Variants in CRABP2 observed in about 807,000 individuals in gnomAD.
CRABP2 encodes the protein cellular retinoic acid-binding protein 2.
Under a neutral mutation model 17.9 loss-of-function variants are expected in CRABP2, and 20 were observed. The observed-to-expected ratio is 1.12, with a 90% CI of 0.79 to 1.63. CRABP2 has a LOEUF of 1.63. CRABP2 is among the 40% of genes most tolerant of loss of function. The pLI is 0.00. For synonymous variants in CRABP2, 76 were observed against 66.4 expected (o/e 1.14, Z -0.70); for missense variants, 151 against 168.6 (o/e 0.90, Z 0.58).
chr1:156,704,035 T>A (rs1223099185), intron 1 of CRABP2, among the ~76,000 whole-genome samples: 1 of 152,114 alleles, frequency 6.6e-6, no homozygotes, highest in Non-Finnish European at 1.5e-5. Flanking sequence ...GGGCCTTGAA[T>A]CTTACTCTTC....
intron 3 of CRABP2, 142 bp from the exon 4 acceptor site, chr1:156,700,218 C>T (rs1192077101): frequency 3.7e-6 from 3 of 801,148 alleles, no homozygotes. Flanking sequence ...AGGAGCTGGT[C>T]CCAGAATGCC....
rs760264292 is a variant in CRABP2, at chr1:156,700,884, C to T, written c.239G>A (p.Arg80Lys). Residue 80 changes from arginine (R) to lysine (K), a missense_variant, in exon 2 of 4, where the codon AGG becomes AAG. Transcript: ENST00000368222. ...EEFEEQTVDG[R>K]PCKSLVKWES... ...CCTTCTGGCACTCACCTTACAGGGCCTCCCATCCACAGTCTGCTCCTCAAA... is the reference window on the plus strand; with the variant it reads ...CCTTCTGGCACTCACCTTACAGGGCTTCCCATCCACAGTCTGCTCCTCAAA... The T allele has an allele frequency of 3.7e-6, 6 of 1,613,808 alleles. No individual in the cohort carries two copies. In the South Asian group the frequency reaches 6.6e-5, roughly 18 times the overall value.
chr1:156,700,916 C>T lies in CRABP2; in HGVS notation c.207G>A (p.Gly69=), dbSNP rs151326489. Residue 69 remains glycine, a synonymous_variant, in exon 2 of 4, where the codon GGG becomes GGA. Coordinates refer to ENST00000368222, the MANE Select transcript of CRABP2 (RefSeq NM_001878.4). ...CCACAGTCTGCTCCTCAAACTCCTCCCCAACCTTGAAGTTAATCTCTGTGG... is the reference window on the plus strand; with the variant it reads ...CCACAGTCTGCTCCTCAAACTCCTCTCCAACCTTGAAGTTAATCTCTGTGG... ...VRTTEINFKV[G]EEFEEQTVDG... 7 of 1,614,150 alleles carry T rather than the reference C, an allele frequency of 4.3e-6. No homozygotes were observed. The African/African-American group carries it at 5.3e-5, about 12-fold the overall frequency.
rs982459467 is a variant in CRABP2 at position 156,705,018 on chromosome 1, C to T, written c.70+359G>A. 2.6e-5 allele frequency among the ~76,000 whole-genome samples: 4 copies of T among 152,182 alleles called. No individual in the cohort carries two copies. The highest frequency in any genetic ancestry group is 9.7e-5 in the African/African-American group (4 of 41,438). On this transcript the variant is annotated intron_variant, in intron 1 of 3. Coordinates refer to ENST00000368222, the MANE Select transcript of CRABP2 (RefSeq NM_001878.4). This position sits in a 1 kb window ranked among gnomAD's most constrained non-coding sequence, Gnocchi z 5.2. ...GGGCTCCCAGTCTGGATGCAGGGTT[C>T]GTGGCTCCACCAGCCCGCAGCTTCT...
At chr1:156,700,127 G>T (rs1162115780) in intron 3 of CRABP2, 51 bp from the exon 4 acceptor site, 1 of 1,585,012 alleles carries the variant, frequency 6.3e-7, no homozygotes, top group Admixed American at 1.7e-5. Context: ...GGGTCCTGTG[G>T]CTTTGGAGAG....
At chr1:156,701,438 G>A (rs763310915) in intron 1 of CRABP2, among the ~76,000 whole-genome samples, 3 of 152,016 alleles carry the variant, frequency 2.0e-5, no homozygotes. Flanking sequence ...TACTGGCTCC[G>A]GTTGTCTCTG....
chr1:156,700,682 G>A, intron 2 of CRABP2, 24 bp from the exon 3 acceptor site: 1 of 1,598,896 alleles, frequency 6.3e-7, no homozygotes, highest in Non-Finnish European at 8.6e-7. Context: ...GTGGCCAAGT[G>A]AGCTGGGCCC....
intron 2 of CRABP2, 98 bp downstream of exon 2, chr1:156,700,776 G>A (rs1648007981): frequency 2.2e-5 from 34 of 1,530,204 alleles, no homozygotes; most frequent in Non-Finnish European, 3.0e-5. Context: ...TCCCTACTGG[G>A]ACAGAGAGAA....
Position 156,705,027 on chromosome 1 carries a change from A to T in CRABP2, c.70+350T>A, listed in dbSNP as rs1399402032. ...GTCTGGATGCAGGGTTCGTGGCTCCACCAGCCCGCAGCTTCTGAACTGCAG... is the reference window on the plus strand; with the variant it reads ...GTCTGGATGCAGGGTTCGTGGCTCCTCCAGCCCGCAGCTTCTGAACTGCAG... On this transcript the variant is annotated intron_variant, in intron 1 of 3. Transcript: ENST00000368222. This position sits in a 1 kb window ranked among gnomAD's most constrained non-coding sequence, Gnocchi z 5.2. Among the ~76,000 whole-genome samples the T allele has an allele frequency of 6.6e-6, 1 of 152,172 alleles. No individual in the cohort carries two copies. Among genetic ancestry groups the T allele is most frequent in the Non-Finnish European group, 1.5e-5 (1 of 68,018 alleles).
chr1:156,701,637 C>A (rs537973492), intron 1 of CRABP2, among the ~76,000 whole-genome samples: 7 of 152,058 alleles, frequency 4.6e-5, no homozygotes, highest in African/African-American at 1.7e-4. Context: ...AATTTCTGCC[C>A]CACAGCAATG....
chr1:156,700,836 A>T, intron 2 of CRABP2, 38 bp downstream of exon 2: 1 of 1,597,944 alleles, frequency 6.3e-7, no homozygotes, highest in South Asian at 1.1e-5. Context: ...GAGGCAGGGC[A>T]ATGACGCCAT....
intron 1 of CRABP2, among the ~76,000 whole-genome samples, chr1:156,702,506 C>T (rs984619225): frequency 6.6e-6 from 1 of 151,826 alleles, no homozygotes; most frequent in Admixed American, 6.6e-5. Flanking sequence ...GGCGCAGTGG[C>T]CCATGCCTGT....
chr1:156,705,738 G>C, upstream of CRABP2: 1 of 400,878 alleles, frequency 2.5e-6, no homozygotes, highest in Non-Finnish European at 4.5e-6. The surrounding 1 kb of genome is among the most constrained non-coding windows in gnomAD (Gnocchi z 5.2). Context: ...GTGGGTCCAG[G>C]CTTCTCTGGG....
intron 1 of CRABP2, among the ~76,000 whole-genome samples, chr1:156,701,724 C>A (rs1648038754): frequency 6.6e-6 from 1 of 152,138 alleles, no homozygotes; most frequent in Non-Finnish European, 1.5e-5. Flanking sequence ...GAGTAAGGTC[C>A]AGGAGGCTGT....
At chr1:156,701,763 G>T (rs2102604287) in intron 1 of CRABP2, among the ~76,000 whole-genome samples, 1 of 152,286 alleles carries the variant, frequency 6.6e-6, no homozygotes, top group East Asian at 1.9e-4. Context: ...CCCCCTTACA[G>T]GCTGGGTGAC....
intron 3 of CRABP2, among the ~76,000 whole-genome samples, chr1:156,700,339 G>T (rs1647989979): frequency 6.6e-6 from 1 of 152,118 alleles, no homozygotes; most frequent in Non-Finnish European, 1.5e-5. Flanking sequence ...CATGCCCTTT[G>T]CTTGCATAAA....
intron 1 of CRABP2, 26 bp from the exon 2 acceptor site, chr1:156,701,078 C>A: frequency 6.2e-7 from 1 of 1,609,650 alleles, no homozygotes; most frequent in Non-Finnish European, 8.5e-7. Context: ...AGAGGCTCAC[C>A]TTTTAGGGGC....
In CRABP2 at chr1:156,700,020, G is replaced by A. The variant is rs1326403974; in HGVS notation, c.*6C>T. ...GGGCTTCGGCCGCGGTTCTACCTGT[G>A]GCCACTCACTCTCGGACGTAGACCC... On this transcript the variant is annotated 3_prime_UTR_variant, in exon 4 of 4. Coordinates refer to ENST00000368222, the MANE Select transcript of CRABP2 (RefSeq NM_001878.4). The A allele has an allele frequency of 1.2e-6, 2 of 1,612,610 alleles. No homozygotes were observed. Among genetic ancestry groups the A allele is most frequent in the African/African-American group, 1.3e-5 (1 of 74,868 alleles).
At position 156,699,793 on chromosome 1, in the gene CRABP2, A is replaced by G; in HGVS notation, c.*233T>C. On this transcript the variant is annotated 3_prime_UTR_variant, in exon 4 of 4. Transcript: ENST00000368222. ...GCTGACTTGGGGAGGCGGGGAGTGA[A>G]CCCGGAATGGGTGATCTGGGCTCTT... 1 of 540,548 alleles carries G rather than the reference A, an allele frequency of 1.8e-6. No individual in the cohort carries two copies. 33.5% of individuals were successfully genotyped at this position (540,548 alleles called of 1,614,324 possible). A position where few individuals can be genotyped will look rare whatever the true frequency, so the allele number is the denominator to read the frequency against.
Sources: allele counts gnomAD v4.1 joint callset (sites outside exome capture counted in the v4.1 genomes callset), GRCh38; gene constraint gnomAD v4.1.1; non-coding constraint Gnocchi (gnomAD v3.1); transcripts MANE v1.5; gene names NCBI Gene and HGNC (gene_info 2026-07-23, HGNC 2026-07-21).